GRIA4: variants seen among roughly 807,000 people sequenced by gnomAD.
GRIA4 encodes the protein glutamate receptor 4.
Under a neutral mutation model 104.0 loss-of-function variants are expected in GRIA4, and 34 were observed. The ratio of observed to expected loss-of-function variants is 0.33; its 90% CI spans 0.25 to 0.44. GRIA4 has a LOEUF of 0.44. Among genes scored for constraint, GRIA4 ranks in the 20% least tolerant of loss-of-function variants. The pLI, the probability that GRIA4 is intolerant of heterozygous loss-of-function variation, is 1.00. For missense variants in GRIA4, 750 were observed against 1,096.5 expected (o/e 0.68, Z 4.46); for synonymous variants, 386 against 381.9 (o/e 1.01, Z -0.13).
chr11:105,772,873 A>G (rs1941274241), intron 4 of GRIA4, among the ~76,000 whole-genome samples: 1 of 152,180 alleles, frequency 6.6e-6, no homozygotes, highest in African/African-American at 2.4e-5. Flanking sequence ...AGAAAAGAAA[A>G]TTTCATAGCT....
At chr11:105,771,497 T>C (rs1941206667) in intron 4 of GRIA4, among the ~76,000 whole-genome samples, 1 of 152,024 alleles carries the variant, frequency 6.6e-6, no homozygotes, top group Admixed American at 6.6e-5. Context: ...TGTCTCTATA[T>C]GAGATCATGC....
At chr11:105,965,930 T>C (rs758201164) in intron 14 of GRIA4, 3 of 1,515,024 alleles carry the variant, frequency 2.0e-6, no homozygotes, top group South Asian at 1.1e-5. Context: ...TTACAAAATA[T>C]GTTTTATCGT....
chr11:105,924,679 G>A lies in GRIA4; in HGVS notation c.1757G>A (p.Ser586Asn). The A allele has an allele frequency of 6.2e-7, 1 of 1,612,934 alleles. No homozygotes were observed. Among genetic ancestry groups the A allele is most frequent in the Non-Finnish European group, 8.5e-7 (1 of 1,179,274 alleles). Residue 586 changes from serine (S) to asparagine (N), a missense_variant, in exon 12 of 17, where the codon AGC becomes AAC. Physicochemically the swap from Ser to Asn is conservative, Grantham distance 46. This residue lies in a region of GRIA4 where 272 missense variants were observed against 524.5 expected (regional missense o/e 0.52). Coordinates refer to ENST00000282499, the MANE Select transcript of GRIA4 (RefSeq NM_000829.4). Reference sequence around the variant, plus strand: ...CCAGAGGACGGAAAGGAAGGACCCAGCGACCAGCCTCCCAATGAGTTTGGC... The same window carrying A: ...CCAGAGGACGGAAAGGAAGGACCCAACGACCAGCCTCCCAATGAGTTTGGC... ...EEPEDGKEGP[S>N]DQPPNEFGIF... is the part of the protein sequence containing the mutation.
chr11:105,891,930 C>A (rs1454104314), intron 6 of GRIA4, among the ~76,000 whole-genome samples: 2 of 152,174 alleles, frequency 1.3e-5, no homozygotes, highest in East Asian at 3.9e-4. Flanking sequence ...TCCTCTAGCA[C>A]CCAGCTTATG....
intron 4 of GRIA4, among the ~76,000 whole-genome samples, chr11:105,785,719 T>C (rs186560931): frequency 6.6e-6 from 1 of 152,314 alleles, no homozygotes; most frequent in East Asian, 1.9e-4. Context: ...ACTGATATTA[T>C]CTGCTTTTTA....
intron 3 of GRIA4, among the ~76,000 whole-genome samples, chr11:105,677,998 T>A (rs1229944251): frequency 6.6e-6 from 1 of 152,022 alleles, no homozygotes; most frequent in East Asian, 1.9e-4. Context: ...GTCCATCTTA[T>A]CTCCCCATAT....
intron 5 of GRIA4, among the ~76,000 whole-genome samples, chr11:105,880,349 C>T (rs1946002841): frequency 6.6e-6 from 1 of 152,196 alleles, no homozygotes; most frequent in Non-Finnish European, 1.5e-5. Flanking sequence ...GAAGGATATA[C>T]TCTACAAGTG....
chr11:105,681,664 T>G (rs2135466605), intron 3 of GRIA4, among the ~76,000 whole-genome samples: 1 of 152,282 alleles, frequency 6.6e-6, no homozygotes, highest in Non-Finnish European at 1.5e-5. Flanking sequence ...TGAAAAAAAC[T>G]TGTTGAATGC....
At chr11:105,789,935 C>T (rs1470870496) in intron 4 of GRIA4, among the ~76,000 whole-genome samples, 1 of 152,136 alleles carries the variant, frequency 6.6e-6, no homozygotes, top group East Asian at 1.9e-4. Flanking sequence ...GCTGCTTCTT[C>T]TGAAGCACTC....
intron 3 of GRIA4, among the ~76,000 whole-genome samples, chr11:105,676,164 T>C (rs1170290610): frequency 2.6e-5 from 4 of 151,612 alleles, no homozygotes; most frequent in Non-Finnish European, 5.9e-5. Flanking sequence ...AACTAAGGAG[T>C]AGATTAGTGC....
intron 3 of GRIA4, among the ~76,000 whole-genome samples, chr11:105,617,654 G>C (rs942356714): frequency 1.3e-5 from 2 of 152,086 alleles, no homozygotes; most frequent in African/African-American, 4.8e-5. Context: ...AGCAAAGGCT[G>C]AAGTCATATT....
chr11:105,687,689 C>A (rs905409779), intron 3 of GRIA4, among the ~76,000 whole-genome samples: 6 of 152,186 alleles, frequency 3.9e-5, no homozygotes, highest in African/African-American at 1.4e-4. Context: ...ATGGGTCAGG[C>A]ATAGCCATAT....
Position 105,895,034 on chromosome 11 carries a change from C to A in GRIA4, c.727-3235C>A, listed in dbSNP as rs888380340. Among the ~76,000 whole-genome samples, 18 of 148,114 alleles carry A rather than the reference C, an allele frequency of 1.2e-4. 4 individuals are homozygous for A. In the East Asian group the frequency reaches 3.6e-3, roughly 30 times the overall value. ...CAGGATGGTCTCGATCTCCTGACCT[C>A]ATGATCCACCCGCCTCGGCCTCCCA... On this transcript the variant is annotated intron_variant, in intron 6 of 16. Transcript: ENST00000282499.
chr11:105,923,991 C>T (rs1168275839), intron 11 of GRIA4, among the ~76,000 whole-genome samples: 2 of 152,064 alleles, frequency 1.3e-5, no homozygotes, highest in African/African-American at 4.8e-5. Context: ...TGGCAATGCT[C>T]CAAATGAAAC....
In GRIA4 at chr11:105,765,925, T is replaced by G. The variant is rs192166856; in HGVS notation, c.487+12705T>G. On this transcript the variant is annotated intron_variant, in intron 4 of 16. Transcript: ENST00000282499. The stretch of plus-strand genomic sequence containing the variant: ...CTTATGTGAAAAAGATTATGAGGTT[T>G]GTGTTTCATTACTAAGAAAATGAAA... Among the ~76,000 whole-genome samples the G allele has an allele frequency of 2.7e-3, 415 of 152,296 alleles. 3 individuals carry two copies. The highest frequency in any genetic ancestry group is 9.5e-3 in the African/African-American group (397 of 41,576).
intron 10 of GRIA4, among the ~76,000 whole-genome samples, chr11:105,914,889 A>C (rs142178444): frequency 6.6e-6 from 1 of 152,178 alleles, no homozygotes; most frequent in East Asian, 1.9e-4. Flanking sequence ...CTCCTTAATG[A>C]TTTTCTGGAA....
chr11:105,945,343 G>A (rs1385660479), intron 14 of GRIA4: 3 of 160,826 alleles, frequency 1.9e-5, no homozygotes, highest in Admixed American at 6.5e-5. Flanking sequence ...GAAAGCCCCA[G>A]TATATCAGAC....
intron 16 of GRIA4, 149 bp from the exon 17 acceptor site, chr11:105,979,426 T>C: frequency 1.5e-6 from 1 of 657,088 alleles, no homozygotes; most frequent in Non-Finnish European, 2.6e-6. Context: ...TTTCCCTGGA[T>C]AAGCAGTTTT....
In GRIA4 at chr11:105,971,951, G is replaced by A. The variant is rs1858715022; in HGVS notation, c.2332G>A (p.Ala778Thr). Residue 778 changes from alanine (A) to threonine (T), a missense_variant, in exon 15 of 17, where the codon GCA becomes ACA. By Grantham distance (58) the Ala-to-Thr change is moderately conservative. Around this residue, in one of 3 missense-constraint regions of GRIA4, gnomAD observed 272 missense variants for 524.5 expected, o/e 0.52. Coordinates refer to ENST00000282499, the MANE Select transcript of GRIA4 (RefSeq NM_000829.4). ...CCTTGCCGTTTTGAAACTCAGTGAG[G>A]CAGGCGTCTTAGACAAGCTGAAAAA... ...VNLAVLKLSE[A>T]GVLDKLKNKW... 1.2e-6 allele frequency: 2 copies of A among 1,612,450 alleles called. No homozygotes were observed. The highest frequency in any genetic ancestry group is 2.7e-5 in the African/African-American group (2 of 74,840).
Sources: allele counts gnomAD v4.1 joint callset (sites outside exome capture counted in the v4.1 genomes callset), GRCh38; gene constraint gnomAD v4.1.1; regional missense constraint gnomAD v4.1.1; transcripts MANE v1.5; gene names NCBI Gene and HGNC (gene_info 2026-07-23, HGNC 2026-07-21).